RNGTT: variants seen among roughly 807,000 people sequenced by gnomAD.
RNGTT encodes the protein RNA guanylyltransferase and 5'-phosphatase, also known as mRNA-capping enzyme.
Under a neutral mutation model 79.3 loss-of-function variants are expected in RNGTT, and 33 were observed. The ratio of observed to expected loss-of-function variants is 0.42; its 90% confidence interval spans 0.32 to 0.56. The LOEUF (loss-of-function observed/expected upper bound fraction) is 0.56. RNGTT is among the 20% of genes least tolerant of loss of function. The pLI is 0.17. For missense variants in RNGTT, 497 were observed against 739.1 expected, an observed-to-expected ratio of 0.67 and a Z score of 3.80; for synonymous variants, 222 against 235.9, an observed-to-expected ratio of 0.94 and a Z score of 0.54.
chr6:88,725,915 GAGAAACAGAGAGAA>G (rs1345924255), intron 13 of RNGTT, among the ~76,000 whole-genome samples: 2 of 152,030 alleles, frequency 1.3e-5, no homozygotes, highest in South Asian at 2.1e-4. Context: ...GGAAATCAGA[GAGAAACAGAGAGAA>G]AGAGACAGAG....
At chr6:88,614,185 G>T in intron 15 of RNGTT, 87 bp downstream of exon 15, 1 of 1,310,912 alleles carries the variant, frequency 7.6e-7, no homozygotes, top group Non-Finnish European at 1.1e-6. Flanking sequence ...GCCCCATTAA[G>T]CAAAACAACA....
At chr6:88,868,665 GA>G (rs1446323795) in intron 8 of RNGTT, among the ~76,000 whole-genome samples, 1 of 152,130 alleles carries the variant, frequency 6.6e-6, no homozygotes, top group Non-Finnish European at 1.5e-5. Context: ...TTTAGGGCAT[GA>G]ACCACATCTT....
At chr6:88,620,181 AG>A (rs1328081797) in intron 14 of RNGTT, among the ~76,000 whole-genome samples, 2 of 152,220 alleles carry the variant, frequency 1.3e-5, no homozygotes, top group African/African-American at 4.8e-5. Flanking sequence ...AGCAACAGGA[AG>A]TTTCTCCTTC....
At chr6:88,826,505 C>T (rs1305890277) in intron 11 of RNGTT, among the ~76,000 whole-genome samples, 1 of 151,976 alleles carries the variant, frequency 6.6e-6, no homozygotes, top group African/African-American at 2.4e-5. Context: ...AATCATCGGC[C>T]AGGTGCGGTG....
chr6:88,736,227 C>G lies in RNGTT; in HGVS notation c.1439+33547G>C, dbSNP rs12665057. On this transcript the variant is annotated intron_variant, in intron 13 of 15. Transcript: ENST00000369485. Reference sequence around the variant, plus strand: ...AAAGCACTAGGCCCAGATATTTTCACTGGGTGTATTATACAAACATTTAAG... The same window carrying G: ...AAAGCACTAGGCCCAGATATTTTCAGTGGGTGTATTATACAAACATTTAAG... Among the ~76,000 whole-genome samples, 6 of 152,266 alleles carry G rather than the reference C, an allele frequency of 3.9e-5. No individual in the cohort carries two copies. In the East Asian group the frequency reaches 1.2e-3, roughly 29 times the overall value.
Position 88,927,516 on chromosome 6 carries a change from G to T in RNGTT, c.367+1469C>A, listed in dbSNP as rs139531483. Among the ~76,000 whole-genome samples the T allele has an allele frequency of 4.3e-4, 65 of 152,254 alleles. 1 individual carries two copies. In the East Asian group the frequency reaches 0.012, roughly 29 times the overall value. Reference sequence around the variant, plus strand: ...TGTCTCTACTAAAAATACATAATTAGCCGGGCATGGTGGCACATGCCTGTA... The same window carrying T: ...TGTCTCTACTAAAAATACATAATTATCCGGGCATGGTGGCACATGCCTGTA... On this transcript the variant is annotated intron_variant, in intron 4 of 15. Transcript: ENST00000369485.
chr6:88,749,531 AAGT>A (rs1777774962), intron 13 of RNGTT, among the ~76,000 whole-genome samples: 1 of 152,010 alleles, frequency 6.6e-6, no homozygotes, highest in Non-Finnish European at 1.5e-5. Flanking sequence ...AGTATAGAAA[AAGT>A]AGGACAAATA....
intron 12 of RNGTT, among the ~76,000 whole-genome samples, chr6:88,788,507 C>T (rs1369621718): frequency 1.3e-5 from 2 of 152,082 alleles, no homozygotes; most frequent in Non-Finnish European, 2.9e-5. Context: ...AGATGACTGG[C>T]GACCTTTCAA....
At chr6:88,748,375 C>T (rs960554494) in intron 13 of RNGTT, among the ~76,000 whole-genome samples, 2 of 152,054 alleles carry the variant, frequency 1.3e-5, no homozygotes, top group African/African-American at 4.8e-5. Context: ...GGATCTTTTG[C>T]TCCAGCTATT....
chr6:88,908,399 T>C (rs1397017932), intron 4 of RNGTT, among the ~76,000 whole-genome samples: 2 of 152,176 alleles, frequency 1.3e-5, no homozygotes, highest in Non-Finnish European at 2.9e-5. Flanking sequence ...CACCACACTT[T>C]GAACCACCAA....
At chr6:88,704,337 T>C (rs1261414302) in intron 13 of RNGTT, among the ~76,000 whole-genome samples, 2 of 151,754 alleles carry the variant, frequency 1.3e-5, no homozygotes, top group African/African-American at 4.8e-5. Context: ...AAATTTTATG[T>C]ATTTTATTGA....
chr6:88,757,365 G>T (rs1388162314), intron 13 of RNGTT, among the ~76,000 whole-genome samples: 1 of 152,192 alleles, frequency 6.6e-6, no homozygotes, highest in Non-Finnish European at 1.5e-5. Flanking sequence ...CAAAAAGCAT[G>T]ATTTGGGTGA....
chr6:88,776,626 T>C (rs1778894320), intron 12 of RNGTT, among the ~76,000 whole-genome samples: 2 of 150,302 alleles, frequency 1.3e-5, no homozygotes. Flanking sequence ...TGAGCCACCA[T>C]GCCCAGCCAC....
chr6:88,890,626 G>A, intron 7 of RNGTT, 30 bp from the exon 8 acceptor site: 2 of 1,495,536 alleles, frequency 1.3e-6, no homozygotes, highest in South Asian at 2.3e-5. Context: ...TTACTATCGT[G>A]GCTGGTATCC....
intron 2 of RNGTT, among the ~76,000 whole-genome samples, 154 bp from the exon 3 acceptor site, chr6:88,929,421 C>G (rs1381270612): frequency 6.6e-6 from 1 of 152,080 alleles, no homozygotes; most frequent in Non-Finnish European, 1.5e-5. Flanking sequence ...AAAAGTATCA[C>G]TTATCAAAGT....
chr6:88,817,889 A>G (rs1381868744), intron 11 of RNGTT, among the ~76,000 whole-genome samples: 1 of 150,044 alleles, frequency 6.7e-6, no homozygotes, highest in Non-Finnish European at 1.5e-5. Context: ...CCTCCCAAGT[A>G]GCTGGGACTA....
chr6:88,668,525 G>A (rs910899198), intron 14 of RNGTT, among the ~76,000 whole-genome samples: 1 of 152,176 alleles, frequency 6.6e-6, no homozygotes, highest in Non-Finnish European at 1.5e-5. Context: ...AGGTTACAGA[G>A]GTAGGGCAAC....
At chr6:88,802,023 G>C (rs909866391) in intron 11 of RNGTT, among the ~76,000 whole-genome samples, 8 of 152,094 alleles carry the variant, frequency 5.3e-5, no homozygotes, top group Non-Finnish European at 7.4e-5. Context: ...AGAAACTCTG[G>C]AAAGTAATAG....
intron 14 of RNGTT, among the ~76,000 whole-genome samples, chr6:88,663,974 T>C (rs1331728175): frequency 1.3e-5 from 2 of 152,178 alleles, no homozygotes; most frequent in Non-Finnish European, 2.9e-5. Context: ...CCACTTGGGC[T>C]GATTGCCACC....
Sources: gnomAD v4.1 joint callset for allele counts (sites outside exome capture counted in the v4.1 genomes callset) on GRCh38, gnomAD v4.1.1 for gene constraint, MANE v1.5 for transcripts, NCBI Gene and HGNC (gene_info 2026-07-23, HGNC 2026-07-21) for gene names.